Variants in CDH13 observed in about 807,000 individuals in gnomAD.
CDH13 encodes the protein cadherin 13.
In CDH13, 24 loss-of-function variants were observed where a neutral mutation model predicts 63.8. The ratio of observed to expected loss-of-function variants is 0.38; its 90% CI spans 0.27 to 0.53. The LOEUF (loss-of-function observed/expected upper bound fraction) is 0.53, where lower values mean the gene tolerates loss of function less well. Ranked by LOEUF, CDH13 falls within the 20% of genes least tolerant of loss-of-function variation. The probability of loss-of-function intolerance (pLI) is 0.85; values close to 1 mark genes in which losing one functional copy is unlikely to be tolerated. For missense variants in CDH13, 1,049 were observed against 903.1 expected, an observed-to-expected ratio of 1.16 and a Z score of -2.07; for synonymous variants, 503 against 355.3, an observed-to-expected ratio of 1.42 and a Z score of -4.67.
chr16:82,829,304 C>A (rs1314971645), intron 1 of CDH13: 1 of 151,994 alleles, frequency 6.6e-6, no homozygotes, highest in Non-Finnish European at 1.5e-5. Flanking sequence ...GAGCGTATAA[C>A]CTTTCATACC....
chr16:82,670,672 C>T (rs763530372), intron 1 of CDH13, among the ~76,000 whole-genome samples: 35 of 152,122 alleles, frequency 2.3e-4, no homozygotes, highest in South Asian at 4.1e-4. Flanking sequence ...TAGACTGGCA[C>T]GTAATTTGGG....
chr16:83,450,500 A>G (rs1347354151), intron 6 of CDH13, among the ~76,000 whole-genome samples: 1 of 152,194 alleles, frequency 6.6e-6, no homozygotes, highest in Non-Finnish European at 1.5e-5. Flanking sequence ...TATGCTTTAT[A>G]GGCATGCCAA....
intron 1 of CDH13, among the ~76,000 whole-genome samples, chr16:82,731,026 A>G (rs2033373678): frequency 3.3e-5 from 5 of 152,324 alleles, no homozygotes; most frequent in Admixed American, 2.0e-4. Flanking sequence ...GGTGAAATCT[A>G]TATAATGGGG....
chr16:83,367,553 C>G (rs956903420), intron 6 of CDH13, among the ~76,000 whole-genome samples: 5 of 152,134 alleles, frequency 3.3e-5, no homozygotes, highest in African/African-American at 1.2e-4. Context: ...CTGTGTTAAC[C>G]TTTGGAGAAA....
At chr16:83,151,628 G>C (rs567654111) in intron 4 of CDH13, among the ~76,000 whole-genome samples, 166 of 152,096 alleles carry the variant, frequency 1.1e-3, no homozygotes, top group African/African-American at 3.8e-3. Context: ...TTCAAGGATA[G>C]CTTTAAAAAA....
chr16:83,779,681 C>G (rs1433850635), intron 11 of CDH13, among the ~76,000 whole-genome samples: 1 of 151,742 alleles, frequency 6.6e-6, no homozygotes, highest in Non-Finnish European at 1.5e-5. Context: ...AAATTATCCT[C>G]TTAGATGTAA....
At chr16:83,095,782 T>C (rs943382907) in intron 3 of CDH13, among the ~76,000 whole-genome samples, 1 of 152,208 alleles carries the variant, frequency 6.6e-6, no homozygotes, top group African/African-American at 2.4e-5. Context: ...CCTAAGACTC[T>C]ATGATTCTCA....
At chr16:83,087,160 C>A (rs550332102) in intron 3 of CDH13, among the ~76,000 whole-genome samples, 1 of 152,098 alleles carries the variant, frequency 6.6e-6, no homozygotes, top group African/African-American at 2.4e-5. Flanking sequence ...AAAATAATTC[C>A]AGCAAAGTAA....
intron 8 of CDH13, among the ~76,000 whole-genome samples, chr16:83,651,923 C>T (rs989121196): frequency 6.6e-6 from 1 of 152,182 alleles, no homozygotes. Flanking sequence ...TGACAGAGTG[C>T]CACTGGAGTG....
At chr16:82,627,834 G>A (rs1343867677) in intron 1 of CDH13, among the ~76,000 whole-genome samples, 1 of 152,212 alleles carries the variant, frequency 6.6e-6, no homozygotes, top group Non-Finnish European at 1.5e-5. Flanking sequence ...CCAGCCCCCC[G>A]CACCCCTATT....
At chr16:83,718,658 G>A (rs1227703283) in intron 10 of CDH13, among the ~76,000 whole-genome samples, 7 of 152,118 alleles carry the variant, frequency 4.6e-5, no homozygotes, top group Non-Finnish European at 8.8e-5. Context: ...TGAGGTCCTA[G>A]GGAAAACCTA....
chr16:83,746,772 T>C (rs1912625129), intron 10 of CDH13, among the ~76,000 whole-genome samples: 1 of 152,220 alleles, frequency 6.6e-6, no homozygotes, highest in Admixed American at 6.5e-5. Context: ...GGTCTGCAAG[T>C]GGCACATTAT....
At chr16:83,612,661 CTT>C (rs1908957201) in intron 8 of CDH13, among the ~76,000 whole-genome samples, 1 of 151,774 alleles carries the variant, frequency 6.6e-6, no homozygotes, top group African/African-American at 2.4e-5. Context: ...GCTCTAATAA[CTT>C]ATTAGTTATA....
intron 7 of CDH13, among the ~76,000 whole-genome samples, chr16:83,487,418 C>G (rs977197407): frequency 8.5e-5 from 13 of 152,154 alleles, no homozygotes; most frequent in Admixed American, 5.2e-4. Context: ...GTGTGATGCT[C>G]CAGTGGATCC....
At chr16:82,841,587 T>C (rs2615133) in intron 1 of CDH13, among the ~76,000 whole-genome samples, 37,679 of 152,086 alleles carry the variant, frequency 0.25, 4,955 homozygotes, top group Middle Eastern at 0.33. Flanking sequence ...TTTCTCTTAC[T>C]ATAAAACCAA....
chr16:83,433,654 G>A (rs1282690617), intron 6 of CDH13, among the ~76,000 whole-genome samples: 4 of 152,180 alleles, frequency 2.6e-5, no homozygotes, highest in African/African-American at 9.6e-5. Flanking sequence ...ACCCCAGCAG[G>A]AAAGAAAGGG....
In CDH13 at chr16:83,435,390, C is replaced by G. The variant is rs145255942; in HGVS notation, c.782-51087C>G. Among the ~76,000 whole-genome samples, 221 of 152,152 alleles carry G rather than the reference C, an allele frequency of 1.5e-3. 2 individuals are homozygous for G. The East Asian group carries it at 0.032, about 22-fold the overall frequency. On this transcript the variant is annotated intron_variant, in intron 6 of 13. Transcript: ENST00000567109. Reference sequence around the variant, plus strand: ...CGGTGTAGGCAAAATGATCTTTTTTCCAAACACTGCAATCGTGTCATCCCC... The same window carrying G: ...CGGTGTAGGCAAAATGATCTTTTTTGCAAACACTGCAATCGTGTCATCCCC...
At chr16:82,720,820 C>G (rs12443745) in intron 1 of CDH13, among the ~76,000 whole-genome samples, 14,643 of 152,206 alleles carry the variant, frequency 0.096, 886 homozygotes, top group African/African-American at 0.15. Flanking sequence ...GGCATTGCTA[C>G]AAGTCACTGA....
At chr16:83,417,880 G>T (rs2071599718) in intron 6 of CDH13, among the ~76,000 whole-genome samples, 1 of 152,090 alleles carries the variant, frequency 6.6e-6, no homozygotes, top group Non-Finnish European at 1.5e-5. Flanking sequence ...AATGGTTCCA[G>T]TCAACTGGAG....
Sources: gnomAD v4.1 joint callset for allele counts (sites outside exome capture counted in the v4.1 genomes callset) on GRCh38, gnomAD v4.1.1 for gene constraint, MANE v1.5 for transcripts, NCBI Gene and HGNC (gene_info 2026-07-23, HGNC 2026-07-21) for gene names.